DPP10: variants seen among roughly 807,000 people sequenced by gnomAD.
The protein encoded by DPP10 is inactive dipeptidyl peptidase 10.
A neutral mutation model predicts 120.9 loss-of-function variants in DPP10; 33 were observed. That is an observed-to-expected ratio of 0.27 (90% CI 0.21 to 0.37). The LOEUF is 0.37. Ranked by LOEUF, DPP10 falls within the 10% of genes least tolerant of loss-of-function variation. The pLI is 1.00. For missense variants in DPP10, 816 were observed against 942.8 expected (o/e 0.87, Z 1.76); for synonymous variants, 337 against 326.1 (o/e 1.03, Z -0.36).
At chr2:115,477,781 G>C (rs7598852) in intron 3 of DPP10, among the ~76,000 whole-genome samples, 125,589 of 151,826 alleles carry the variant, frequency 0.83, 55,010 homozygotes, top group Non-Finnish European at 0.97. Context: ...AAACAGTGTG[G>C]TAATGGTGTG....
At chr2:115,493,724 G>A in intron 3 of DPP10, among the ~76,000 whole-genome samples, 1 of 152,024 alleles carries the variant, frequency 6.6e-6, no homozygotes, top group Admixed American at 6.6e-5. Flanking sequence ...AAACATGGGG[G>A]AAGAACATAT....
rs191387374 is a variant in DPP10, at chr2:114,639,608, C to T, written c.60+196770C>T. ...CCAAACCTCAGCATCATGCAATATA[C>T]GCATTTAACAAACCTGCACATGTAC... is the stretch of plus-strand genomic sequence containing the variant. On this transcript the variant is annotated intron_variant, in intron 1 of 25. Coordinates refer to ENST00000410059, the MANE Select transcript of DPP10 (RefSeq NM_020868.6). Among the ~76,000 whole-genome samples the T allele has an allele frequency of 9.7e-4, 147 of 151,846 alleles. 2 individuals carry two copies. The highest frequency in any genetic ancestry group is 6.8e-3 in the Admixed American group (104 of 15,272).
rs1342349872 is a variant in DPP10, at chr2:115,067,587, G to T, written c.61-241652G>T. ...CTTTTTAAAAAAAGAAAAATGGCCG[G>T]GCGCGGTGGCTCACGCCTTTGATCC... On this transcript the variant is annotated intron_variant, in intron 1 of 25. Coordinates refer to ENST00000410059, the MANE Select transcript of DPP10 (RefSeq NM_020868.6). 2.7e-5 allele frequency among the ~76,000 whole-genome samples: 4 copies of T among 145,766 alleles called. 1 individual carries two copies. The South Asian group carries it at 8.9e-4, about 32-fold the overall frequency.
intron 1 of DPP10, among the ~76,000 whole-genome samples, chr2:114,955,352 T>A (rs1237689965): frequency 1.3e-5 from 2 of 152,198 alleles, no homozygotes; most frequent in Non-Finnish European, 2.9e-5. Context: ...ATGGCCTGTA[T>A]TTTGTGCTGA....
chr2:115,645,117 G>T (rs1345131118), intron 5 of DPP10, among the ~76,000 whole-genome samples: 1 of 152,074 alleles, frequency 6.6e-6, no homozygotes, highest in Admixed American at 6.6e-5. Context: ...TCTCAAATGG[G>T]ATCATATAGG....
At chr2:115,104,621 G>C (rs1459336280) in intron 1 of DPP10, among the ~76,000 whole-genome samples, 1 of 152,082 alleles carries the variant, frequency 6.6e-6, no homozygotes, top group East Asian at 1.9e-4. Context: ...CAATAACTCA[G>C]TGAGAGACCA....
chr2:115,409,292 T>C (rs966752126), intron 3 of DPP10, among the ~76,000 whole-genome samples: 1 of 152,058 alleles, frequency 6.6e-6, no homozygotes. Context: ...AATAGTGAGA[T>C]CTATATCAAA....
chr2:114,664,853 GATAGAGCATCCAAAAGATGGC>G (rs1558982584), intron 1 of DPP10, among the ~76,000 whole-genome samples: 52 of 120,670 alleles, frequency 4.3e-4, no homozygotes, highest in Admixed American at 8.1e-4. Context: ...CAAAAGATGG[GATAGAGCATCCAAAAGATGGC>G]ATAGAGCATC....
At chr2:115,527,795 T>C (rs1041971705) in intron 5 of DPP10, among the ~76,000 whole-genome samples, 2 of 152,026 alleles carry the variant, frequency 1.3e-5, no homozygotes, top group African/African-American at 4.8e-5. Context: ...TAAATGCAAA[T>C]TGAAACTACA....
intron 3 of DPP10, among the ~76,000 whole-genome samples, chr2:115,415,183 C>T (rs531028615): frequency 1.3e-5 from 2 of 152,242 alleles, no homozygotes; most frequent in Non-Finnish European, 2.9e-5. Flanking sequence ...CCTAACTGGT[C>T]TCAATCTTTC....
rs182576959 is a variant in DPP10 at position 115,035,854 on chromosome 2, T to C, written c.61-273385T>C. Reference sequence around the variant, plus strand: ...AATTAACTATTACTATGATTACTCTTGTATTCGAATGTTCCTTTTTCCTCT... The same window carrying C: ...AATTAACTATTACTATGATTACTCTCGTATTCGAATGTTCCTTTTTCCTCT... On this transcript the variant is annotated intron_variant, in intron 1 of 25. Transcript: ENST00000410059. Among the ~76,000 whole-genome samples, 116 of 152,370 alleles carry C rather than the reference T, an allele frequency of 7.6e-4. 1 individual carries two copies. Among genetic ancestry groups the C allele is most frequent in the Non-Finnish European group, 1.2e-4 (8 of 68,034 alleles).
intron 1 of DPP10, among the ~76,000 whole-genome samples, chr2:114,931,285 C>T (rs1031161394): frequency 2.0e-5 from 3 of 152,060 alleles, no homozygotes; most frequent in South Asian, 2.1e-4. Context: ...CATTGTTCCA[C>T]TGATTGTGCA....
Position 115,177,762 on chromosome 2 carries a change from TTTTG to T in DPP10, c.61-131460_61-131457del, listed in dbSNP as rs57710013. Among the ~76,000 whole-genome samples the T allele has an allele frequency of 4.0e-5, 6 of 150,846 alleles. 1 individual carries two copies. The South Asian group carries it at 8.4e-4, about 21-fold the overall frequency. ...TGCTTTTGTTTTGTTTTGTTTTTGTTTTTGTTTGTTTGTTTGTTTGAGACAGAGT... is the reference window on the plus strand; with the variant it reads ...TGCTTTTGTTTTGTTTTGTTTTTGTTTTTGTTTGTTTGTTTGAGACAGAGT... On this transcript the variant is annotated intron_variant, in intron 1 of 25. Coordinates refer to ENST00000410059, the MANE Select transcript of DPP10 (RefSeq NM_020868.6).
intron 1 of DPP10, among the ~76,000 whole-genome samples, chr2:114,926,950 A>G (rs1312759240): frequency 1.3e-5 from 2 of 148,308 alleles, no homozygotes; most frequent in Non-Finnish European, 3.0e-5. Context: ...TCCCAGGTTC[A>G]CGCCATTCTT....
At chr2:115,400,076 T>A (rs2067958597) in intron 3 of DPP10, among the ~76,000 whole-genome samples, 1 of 152,076 alleles carries the variant, frequency 6.6e-6, no homozygotes, top group African/African-American at 2.4e-5. Flanking sequence ...TTAAATGATA[T>A]CTCATGGTAA....
intron 21 of DPP10, among the ~76,000 whole-genome samples, chr2:115,834,934 A>C (rs1213692884): frequency 3.9e-5 from 6 of 152,134 alleles, no homozygotes; most frequent in Admixed American, 1.3e-4. Context: ...AAATACAAAA[A>C]AAATTAGCCG....
intron 1 of DPP10, among the ~76,000 whole-genome samples, chr2:114,794,244 A>C (rs1327153336): frequency 6.6e-6 from 1 of 152,102 alleles, no homozygotes; most frequent in Non-Finnish European, 1.5e-5. Flanking sequence ...CTGAGCCTCC[A>C]GCAAACCATA....
intron 2 of DPP10, among the ~76,000 whole-genome samples, chr2:115,331,377 A>G (rs2062720210): frequency 6.6e-6 from 1 of 152,164 alleles, no homozygotes; most frequent in Admixed American, 6.5e-5. Flanking sequence ...AACAAGGACA[A>G]TTTGACTTCC....
At position 115,381,832 on chromosome 2, in the gene DPP10, C is replaced by T. The variant is rs545675721; in HGVS notation, c.271+37920C>T. On this transcript the variant is annotated intron_variant, in intron 3 of 25. Coordinates refer to ENST00000410059, the MANE Select transcript of DPP10 (RefSeq NM_020868.6). ...CGGCCCTGTGAAGTGTCAGTCTGCC[C>T]CTGCTGGGGGGTGCCTCCCAGTTAG... Among the ~76,000 whole-genome samples the T allele has an allele frequency of 1.1e-4, 16 of 151,254 alleles. No homozygotes were observed. In the South Asian group the frequency reaches 2.7e-3, roughly 26 times the overall value.
Sources: gnomAD v4.1 joint callset for allele counts (sites outside exome capture counted in the v4.1 genomes callset) on GRCh38, gnomAD v4.1.1 for gene constraint, MANE v1.5 for transcripts, NCBI Gene and HGNC (gene_info 2026-07-23, HGNC 2026-07-21) for gene names.